Variants in TAF4B observed in about 807,000 individuals in gnomAD.
The protein encoded by TAF4B is transcription initiation factor TFIID subunit 4B.
A neutral mutation model predicts 86.4 loss-of-function variants in TAF4B; 38 were observed. That is an observed-to-expected ratio of 0.44 (90% CI 0.34 to 0.58). The LOEUF (loss-of-function observed/expected upper bound fraction) is 0.58. Ranked by LOEUF, TAF4B falls within the 20% of genes least tolerant of loss-of-function variation. TAF4B has a pLI of 0.02. For missense variants in TAF4B, 988 were observed against 1,027.6 expected (o/e 0.96, Z 0.53); for synonymous variants, 388 against 391.2 (o/e 0.99, Z 0.10).
At chr18:26,367,621 C>G (rs181626537) in intron 14 of TAF4B, among the ~76,000 whole-genome samples, 2 of 152,328 alleles carry the variant, frequency 1.3e-5, no homozygotes, top group Non-Finnish European at 2.9e-5. Flanking sequence ...TATAGACACA[C>G]AGAAACAATG....
Position 26,252,259 on chromosome 18 carries a change from C to T in TAF4B, c.344-12911C>T, listed in dbSNP as rs114964403. Among the ~76,000 whole-genome samples the T allele has an allele frequency of 3.9e-3, 592 of 152,126 alleles. 5 individuals carry two copies. Among genetic ancestry groups the T allele is most frequent in the African/African-American group, 0.013 (533 of 41,514 alleles). On this transcript the variant is annotated intron_variant, in intron 1 of 14. Transcript: ENST00000269142. ...AAATTTATCCTTGAAGTATATTATT[C>T]TTTTTGGTGCTATTGTGAATAGAAT...
chr18:26,363,400 G>C (rs923582239), intron 14 of TAF4B, among the ~76,000 whole-genome samples: 1 of 137,180 alleles, frequency 7.3e-6, no homozygotes, highest in African/African-American at 2.8e-5. Context: ...AAAAAAAAAG[G>C]CAGCGCGTGG....
At chr18:26,256,293 T>A in intron 1 of TAF4B, 1 of 1,449,778 alleles carries the variant, frequency 6.9e-7, no homozygotes, top group South Asian at 1.1e-5. Context: ...ACTAGAGGAC[T>A]TAGCTCTGCA....
rs900027816 is a variant in TAF4B, at chr18:26,327,270, A to C, written c.2259+130A>C. 9 of 1,128,916 alleles carry C rather than the reference A, an allele frequency of 8.0e-6. No individual in the cohort carries two copies. The African/African-American group carries it at 1.4e-4, about 18-fold the overall frequency. 69.9% of individuals were successfully genotyped at this position (1,128,916 alleles called of 1,614,324 possible). A position where few individuals can be genotyped will look rare whatever the true frequency, so the allele number is the denominator to read the frequency against. On this transcript the variant is annotated intron_variant, in intron 12 of 14. Coordinates refer to ENST00000269142, the MANE Select transcript of TAF4B (RefSeq NM_005640.3). ...CCAGAGGATTTCCTAAAACGAAATT[A>C]CTAATAGGATGTCTCACAGCCAGGA... is the stretch of plus-strand genomic sequence containing the variant.
chr18:26,247,236 G>T (rs576134895), intron 1 of TAF4B, among the ~76,000 whole-genome samples: 1 of 152,294 alleles, frequency 6.6e-6, no homozygotes, highest in African/African-American at 2.4e-5. Flanking sequence ...TATCATAAGG[G>T]TTAAATAGAA....
intron 1 of TAF4B, among the ~76,000 whole-genome samples, chr18:26,251,106 G>A (rs1419252275): frequency 6.6e-6 from 1 of 152,192 alleles, no homozygotes; most frequent in Non-Finnish European, 1.5e-5. Flanking sequence ...CAGTCCTATG[G>A]AAATGAGAGT....
rs1167898276 is a variant in TAF4B at position 26,240,921 on chromosome 18, C to T, written c.343+13645C>T. Reference sequence around the variant, plus strand: ...TTCATATGTTGAACCAGCCTTGCATCCCAGGGATGAAGCCAACTTGATCAT... The same window carrying T: ...TTCATATGTTGAACCAGCCTTGCATTCCAGGGATGAAGCCAACTTGATCAT... On this transcript the variant is annotated intron_variant, in intron 1 of 14. Transcript: ENST00000269142. Among the ~76,000 whole-genome samples, 6 of 152,268 alleles carry T rather than the reference C, an allele frequency of 3.9e-5. No homozygotes were observed. The South Asian group carries it at 1.2e-3, about 32-fold the overall frequency.
intron 12 of TAF4B, 96 bp downstream of exon 12, chr18:26,327,236 T>G (rs2057011779): frequency 2.6e-5 from 37 of 1,411,800 alleles, no homozygotes; most frequent in Admixed American, 6.6e-5. Flanking sequence ...ATTAGGCCTT[T>G]AGATTTCTCC....
intron 12 of TAF4B, among the ~76,000 whole-genome samples, chr18:26,329,173 T>G (rs1393620151): frequency 1.3e-5 from 2 of 152,102 alleles, no homozygotes; most frequent in African/African-American, 4.8e-5. Context: ...TCCTCCCACC[T>G]CAGCTTCTTA....
rs545711444 is a variant in TAF4B at position 26,227,951 on chromosome 18, A to G, written c.343+675A>G. Among the ~76,000 whole-genome samples, 4 of 152,352 alleles carry G rather than the reference A, an allele frequency of 2.6e-5. 1 individual carries two copies. The highest frequency in any genetic ancestry group is 1.9e-4 in the East Asian group (1 of 5,194). ...CAATCTTTAAATGTCTTATGATTCT[A>G]ACTTTCAATTAGCAGAACCCCTGAC... is the stretch of plus-strand genomic sequence containing the variant. On this transcript the variant is annotated intron_variant, in intron 1 of 14. Transcript: ENST00000269142.
intron 1 of TAF4B, among the ~76,000 whole-genome samples, chr18:26,241,665 T>G (rs2055841490): frequency 6.6e-6 from 1 of 152,196 alleles, no homozygotes; most frequent in East Asian, 1.9e-4. Context: ...CTAGTTCTTT[T>G]AATTGTGATG....
chr18:26,233,433 G>A (rs1411452367), intron 1 of TAF4B, among the ~76,000 whole-genome samples: 2 of 152,218 alleles, frequency 1.3e-5, no homozygotes, highest in Non-Finnish European at 2.9e-5. Flanking sequence ...TTGTTAAGCA[G>A]GGAGGAAGTG....
chr18:26,233,352 C>T (rs528867647), intron 1 of TAF4B, among the ~76,000 whole-genome samples: 49 of 152,126 alleles, frequency 3.2e-4, no homozygotes, highest in African/African-American at 7.5e-4. Flanking sequence ...GCGGTGGGGG[C>T]GCTGCTGCAG....
chr18:26,256,432 G>T (rs138482070), intron 1 of TAF4B: 23 of 820,326 alleles, frequency 2.8e-5, no homozygotes, highest in East Asian at 1.7e-4. Flanking sequence ...CAGAGTGCAC[G>T]CCAGGCCAGT....
chr18:26,237,959 C>G (rs2055774539), intron 1 of TAF4B, among the ~76,000 whole-genome samples: 1 of 152,102 alleles, frequency 6.6e-6, no homozygotes, highest in African/African-American at 2.4e-5. Context: ...TTTTTTACCC[C>G]TGCCGAAGAA....
At chr18:26,370,895 G>GA (rs1370264413) in intron 14 of TAF4B, among the ~76,000 whole-genome samples, 2 of 152,134 alleles carry the variant, frequency 1.3e-5, no homozygotes, top group African/African-American at 4.8e-5. Context: ...ATAGATGATA[G>GA]AACTTTATTT....
chr18:26,287,955 A>G (rs960736539), intron 7 of TAF4B, among the ~76,000 whole-genome samples: 2 of 152,190 alleles, frequency 1.3e-5, no homozygotes, highest in Non-Finnish European at 1.5e-5. Flanking sequence ...AAGTGGGGAA[A>G]TGTAACTGCC....
At chr18:26,360,009 C>T (rs1426772293) in intron 14 of TAF4B, among the ~76,000 whole-genome samples, 2 of 152,120 alleles carry the variant, frequency 1.3e-5, no homozygotes, top group African/African-American at 2.4e-5. Context: ...TAAGCCACCT[C>T]ACCTGGACAG....
At chr18:26,259,285 T>C (rs2056129982) in intron 1 of TAF4B, among the ~76,000 whole-genome samples, 1 of 151,858 alleles carries the variant, frequency 6.6e-6, no homozygotes, top group Admixed American at 6.6e-5. Flanking sequence ...TTTATTTTTC[T>C]TCTTTTTTTT....
Sources: gnomAD v4.1 joint callset for allele counts (sites outside exome capture counted in the v4.1 genomes callset) on GRCh38, gnomAD v4.1.1 for gene constraint, MANE v1.5 for transcripts, NCBI Gene and HGNC (gene_info 2026-07-23, HGNC 2026-07-21) for gene names.